TRERF1: variants seen among roughly 807,000 people sequenced by gnomAD.
TRERF1 encodes transcriptional regulating factor 1, also known as transcriptional-regulating factor 1.
In TRERF1, 27 loss-of-function variants were observed where a neutral mutation model predicts 122.9. The ratio of observed to expected loss-of-function variants is 0.22; its 90% CI spans 0.16 to 0.30. The LOEUF is 0.30. TRERF1 is among the 10% of genes least tolerant of loss of function. The pLI is 1.00. For synonymous variants in TRERF1, 636 were observed against 641.7 expected, an observed-to-expected ratio of 0.99 and a Z score of 0.13; for missense variants, 1,248 against 1,560.3, an observed-to-expected ratio of 0.80 and a Z score of 3.37.
chr6:42,423,434 A>C (rs1783100948), intron 2 of TRERF1, among the ~76,000 whole-genome samples: 1 of 152,154 alleles, frequency 6.6e-6, no homozygotes, highest in Admixed American at 6.5e-5. Flanking sequence ...CAAACCGAGA[A>C]GGCCCCATCA....
At position 42,391,789 on chromosome 6, in the gene TRERF1, G is replaced by A. The variant is rs116247110; in HGVS notation, c.-453-28710C>T. Among the ~76,000 whole-genome samples the A allele has an allele frequency of 6.9e-3, 1,047 of 152,264 alleles. 10 individuals are homozygous for A. The highest frequency in any genetic ancestry group is 0.024 in the African/African-American group (990 of 41,548). ...TCAGAACATGGAGCAGTGGGCTGGA[G>A]GGTTCTATGTACATTTCTACCTAAT... On this transcript the variant is annotated intron_variant, in intron 2 of 17. Coordinates refer to ENST00000372922, the Ensembl canonical transcript of TRERF1.
chr6:42,246,573 C>G (rs371207024), intron 13 of TRERF1, 29 bp from the exon 14 acceptor site: 3 of 1,523,160 alleles, frequency 2.0e-6, no homozygotes, highest in Admixed American at 1.9e-5. Flanking sequence ...ATCATAAGAA[C>G]AGCTCACAGT....
intron 14 of TRERF1, 22 bp from the exon 15 acceptor site, chr6:42,243,383 G>A: frequency 1.9e-6 from 3 of 1,560,760 alleles, no homozygotes; most frequent in Middle Eastern, 1.7e-4. Flanking sequence ...GCGAACTCAA[G>A]GTTAGCTCCA....
At chr6:42,406,346 C>T (rs1332272595) in intron 2 of TRERF1, among the ~76,000 whole-genome samples, 7 of 152,214 alleles carry the variant, frequency 4.6e-5, no homozygotes, top group South Asian at 2.1e-4. Context: ...TGCCCCTCTC[C>T]TCACTCCACG....
intron 2 of TRERF1, among the ~76,000 whole-genome samples, chr6:42,384,862 T>C (rs940104894): frequency 2.0e-5 from 3 of 152,102 alleles, no homozygotes; most frequent in Non-Finnish European, 2.9e-5. Flanking sequence ...TGGAGTGCAG[T>C]GGCACGATCT....
chr6:42,341,853 C>A (rs1273453490), intron 3 of TRERF1, among the ~76,000 whole-genome samples: 1 of 152,220 alleles, frequency 6.6e-6, no homozygotes, highest in African/African-American at 2.4e-5. Flanking sequence ...GTCTCAACTT[C>A]CTTTGTAAGA....
chr6:42,257,171 C>T, intron 10 of TRERF1, 69 bp from the exon 11 acceptor site: 1 of 1,560,974 alleles, frequency 6.4e-7, no homozygotes, highest in Non-Finnish European at 8.7e-7. Context: ...GGGCAACTGT[C>T]AGGAACTTGA....
chr6:42,226,782 G>C (rs1769603090), exon 18 of TRERF1: 1 of 152,224 alleles, frequency 6.6e-6, no homozygotes. Context: ...TCTCTCTCAT[G>C]TCAAGCTATG....
chr6:42,262,224 C>G (rs543339794), intron 8 of TRERF1, among the ~76,000 whole-genome samples: 3 of 152,144 alleles, frequency 2.0e-5, no homozygotes, highest in African/African-American at 2.4e-5. Flanking sequence ...CTTTTGAGGA[C>G]TTGATATTAC....
intron 8 of TRERF1, among the ~76,000 whole-genome samples, chr6:42,262,349 G>C (rs1235654206): frequency 6.6e-6 from 1 of 151,076 alleles, no homozygotes; most frequent in African/African-American, 2.4e-5. Context: ...CTATTCCTAA[G>C]GACAAATATG....
At chr6:42,381,309 G>T (rs1261091180) in intron 2 of TRERF1, among the ~76,000 whole-genome samples, 1 of 150,798 alleles carries the variant, frequency 6.6e-6, no homozygotes, top group Non-Finnish European at 1.5e-5. Flanking sequence ...CTCAGTATTT[G>T]GTGGTTCCTT....
chr6:42,291,187 G>T (rs1356587011), intron 4 of TRERF1, among the ~76,000 whole-genome samples: 1 of 152,200 alleles, frequency 6.6e-6, no homozygotes, highest in African/African-American at 2.4e-5. Flanking sequence ...CATGATTGGT[G>T]ATGAAGGGCT....
chr6:42,231,808 G>A (rs949241486), intron 17 of TRERF1, among the ~76,000 whole-genome samples: 3 of 152,212 alleles, frequency 2.0e-5, no homozygotes, highest in African/African-American at 7.2e-5. Context: ...GTGGTCAGAA[G>A]CCCAGGTCTG....
At chr6:42,434,421 T>C (rs763254782) in intron 2 of TRERF1, among the ~76,000 whole-genome samples, 14 of 151,328 alleles carry the variant, frequency 9.3e-5, no homozygotes, top group Non-Finnish European at 1.6e-4. Context: ...ACAGATATGT[T>C]ACTTTCAGAA....
intron 4 of TRERF1, among the ~76,000 whole-genome samples, chr6:42,288,518 A>T (rs1177374624): frequency 6.7e-6 from 1 of 149,912 alleles, no homozygotes; most frequent in Admixed American, 6.7e-5. Context: ...CCGTGAGCCA[A>T]GATGGCTCCA....
intron 2 of TRERF1, among the ~76,000 whole-genome samples, chr6:42,422,600 TC>T (rs1206620761): frequency 1.3e-5 from 2 of 151,580 alleles, no homozygotes; most frequent in Non-Finnish European, 2.9e-5. Flanking sequence ...TCTACTCTGC[TC>T]CACCTTCCAC....
At chr6:42,411,019 G>A (rs1026829114) in intron 2 of TRERF1, among the ~76,000 whole-genome samples, 2 of 152,170 alleles carry the variant, frequency 1.3e-5, no homozygotes, top group African/African-American at 4.8e-5. Context: ...CAGGGACTGT[G>A]GGGAAGGGGA....
intron 13 of TRERF1, among the ~76,000 whole-genome samples, chr6:42,248,791 TG>T (rs1561821412): frequency 6.6e-6 from 1 of 151,940 alleles, no homozygotes. Context: ...TCAGGGGGGC[TG>T]GGGGTTTGGA....
Position 42,428,495 on chromosome 6 carries a change from A to C in TRERF1, c.-454+22682T>G, listed in dbSNP as rs993494773. Among the ~76,000 whole-genome samples the C allele has an allele frequency of 7.9e-5, 12 of 152,196 alleles. 2 individuals are homozygous for C. In the South Asian group the frequency reaches 8.3e-4, roughly 11 times the overall value. On this transcript the variant is annotated intron_variant, in intron 2 of 17. Coordinates refer to ENST00000372922, the Ensembl canonical transcript of TRERF1. Reference sequence around the variant, plus strand: ...GGGGTGGAGGGGGTGCGAGAGGGTGAAACCCCAGGTCTCCAGAGCTGAGGC... The same window carrying C: ...GGGGTGGAGGGGGTGCGAGAGGGTGCAACCCCAGGTCTCCAGAGCTGAGGC...
Sources: gnomAD v4.1 joint callset for allele counts (sites outside exome capture counted in the v4.1 genomes callset) on GRCh38, gnomAD v4.1.1 for gene constraint, MANE v1.5 for transcripts, NCBI Gene and HGNC (gene_info 2026-07-23, HGNC 2026-07-21) for gene names.